Variants in ERCC4 observed in about 807,000 individuals in gnomAD.
The protein encoded by ERCC4 is ERCC excision repair 4, endonuclease catalytic subunit, also known as DNA repair endonuclease XPF.
A neutral mutation model predicts 76.9 loss-of-function variants in ERCC4; 65 were observed. The observed-to-expected ratio is 0.84, with a 90% CI of 0.69 to 1.04. ERCC4 has a LOEUF of 1.04. Among genes scored for constraint, ERCC4 ranks in the 50% least tolerant of loss-of-function variants. The probability of loss-of-function intolerance (pLI) is 0.00; values close to 1 mark genes in which losing one functional copy is unlikely to be tolerated. For synonymous variants in ERCC4, 463 were observed against 410.1 expected (o/e 1.13, Z -1.56); for missense variants, 1,214 against 1,128.2 (o/e 1.08, Z -1.09).
In ERCC4 at chr16:13,951,333, A is replaced by T. The variant is rs558935375; in HGVS notation, c.*2986A>T. 1 of 193,402 alleles carries T rather than the reference A, an allele frequency of 5.2e-6. No individual in the cohort carries two copies. Among genetic ancestry groups the T allele is most frequent in the African/African-American group, 2.3e-5 (1 of 43,262 alleles). 12.0% of individuals were successfully genotyped at this position (193,402 alleles called of 1,614,324 possible). On this transcript the variant is annotated 3_prime_UTR_variant, in exon 11 of 11. Transcript: ENST00000311895. ...TTGGCTCTTTTAAAACCTTTTCTAA[A>T]AGCTAGATCAGCATTTTTCTATTTT...
chr16:13,920,158 G>A lies in ERCC4; in HGVS notation c.-8G>A. 2.5e-6 allele frequency: 4 copies of A among 1,603,824 alleles called. No homozygotes were observed. Among genetic ancestry groups the A allele is most frequent in the Non-Finnish European group, 3.4e-6 (4 of 1,179,728 alleles). On this transcript the variant is annotated 5_prime_UTR_variant, in exon 1 of 11. Transcript: ENST00000311895. Reference sequence around the variant, plus strand: ...GGCTGCGTTCGGCTGCGACCCGGAAGAGCTTCCATGGAGTCAGGGCAGCCG... The same window carrying A: ...GGCTGCGTTCGGCTGCGACCCGGAAAAGCTTCCATGGAGTCAGGGCAGCCG...
At chr16:13,924,311 A>G (rs959028359) in intron 2 of ERCC4, among the ~76,000 whole-genome samples, 20 of 152,150 alleles carry the variant, frequency 1.3e-4, no homozygotes, top group African/African-American at 4.6e-4. Context: ...AGAACTATAT[A>G]AATATCTGGT....
chr16:13,939,609 G>A (rs910626944), intron 9 of ERCC4, among the ~76,000 whole-genome samples: 5 of 152,084 alleles, frequency 3.3e-5, no homozygotes, highest in Non-Finnish European at 7.4e-5. Flanking sequence ...GCCCTGTAAA[G>A]GATTTAGGGC....
At chr16:13,937,887 C>T (rs764381127) in intron 9 of ERCC4, 29 bp downstream of exon 9, 1 of 1,394,588 alleles carries the variant, frequency 7.2e-7, no homozygotes, top group Admixed American at 1.7e-5. Context: ...GTATGAAAGC[C>T]CCAACTACAT....
Position 13,951,430 on chromosome 16 carries a change from T to C in ERCC4, c.*3083T>C, listed in dbSNP as rs1330302894. On this transcript the variant is annotated 3_prime_UTR_variant, in exon 11 of 11. Coordinates refer to ENST00000311895, the MANE Select transcript of ERCC4 (RefSeq NM_005236.3). ...ATCATTTTAAGTTTCATTTAAATCA[T>C]GGTGCCTCTTTTGATACTTTCTTAA... The C allele has an allele frequency of 4.9e-6, 1 of 204,160 alleles. No individual in the cohort carries two copies. The highest frequency in any genetic ancestry group is 2.3e-5 in the African/African-American group (1 of 43,756). 12.6% of individuals were successfully genotyped at this position (204,160 alleles called of 1,614,324 possible).
intron 1 of ERCC4, among the ~76,000 whole-genome samples, chr16:13,921,131 T>C (rs998436165): frequency 1.3e-5 from 2 of 150,728 alleles, no homozygotes; most frequent in African/African-American, 4.9e-5. Flanking sequence ...TCTCTGAGGG[T>C]GATGGGGAGA....
intron 9 of ERCC4, among the ~76,000 whole-genome samples, chr16:13,940,977 C>T (rs940881362): frequency 2.0e-5 from 3 of 152,194 alleles, no homozygotes. Flanking sequence ...CTTCGCCTGT[C>T]TTCATGCAGC....
In ERCC4 at chr16:13,950,749, G is replaced by A. The variant is rs559394290; in HGVS notation, c.*2402G>A. 2.1e-5 allele frequency: 4 copies of A among 192,874 alleles called. No individual in the cohort carries two copies. The highest frequency in any genetic ancestry group is 7.0e-5 in the African/African-American group (3 of 43,054). The allele number at this position is 192,874 out of a possible 1,614,324, so 11.9% of individuals were successfully genotyped here. On this transcript the variant is annotated 3_prime_UTR_variant, in exon 11 of 11. Transcript: ENST00000311895. ...TGTATAATTCCACTTGCTTTTAATT[G>A]TTGTTTCATTATATAAAAGGAACAT...
In ERCC4 at chr16:13,922,024, G is replaced by T; in HGVS notation, c.208-7G>T. On this transcript the variant is annotated splice_region_variant and splice_polypyrimidine_tract_variant and intron_variant, in intron 1 of 10. Transcript: ENST00000311895. ...ATAGCCTACTAATCAAGTTTGATTT[G>T]ATTTAGGAGTATTTTATCAATCAGC... is the stretch of plus-strand genomic sequence containing the variant. 6.2e-7 allele frequency: 1 copy of T among 1,609,260 alleles called. No individual in the cohort carries two copies. The highest frequency in any genetic ancestry group is 1.1e-5 in the South Asian group (1 of 90,872).
At chr16:13,940,842 T>G (rs1839414832) in intron 9 of ERCC4, among the ~76,000 whole-genome samples, 1 of 152,188 alleles carries the variant, frequency 6.6e-6, no homozygotes, top group African/African-American at 2.4e-5. Context: ...GAGAAGCCTT[T>G]CTTGGAAACA....
In ERCC4 at chr16:13,928,161, C is replaced by T. The variant is rs746904084; in HGVS notation, c.718C>T (p.Leu240=). 18 of 1,613,530 alleles carry T rather than the reference C, an allele frequency of 1.1e-5. No homozygotes were observed. The highest frequency in any genetic ancestry group is 1.5e-5 in the Non-Finnish European group (18 of 1,179,682). The change falls in exon 4 of 11, where the codon CTA becomes TTA. Residue 240 remains leucine (L), a synonymous_variant. Transcript: ENST00000311895. ...CATTTTAAATGCATGTCTAAAGGAA[C>T]TAAAATGCCATAACCCATCGCTTGA... The part of the protein sequence containing the change: ...LDILNACLKE[L]KCHNPSLEVE...
chr16:13,940,365 G>A, intron 9 of ERCC4, among the ~76,000 whole-genome samples: 1 of 150,906 alleles, frequency 6.6e-6, no homozygotes, highest in African/African-American at 2.4e-5. Context: ...TCCAGCCTGG[G>A]CAACCGAGTG....
chr16:13,934,720 C>G (rs1309071967), intron 7 of ERCC4: 1 of 234,534 alleles, frequency 4.3e-6, no homozygotes, highest in East Asian at 1.0e-4. Context: ...AGCCTCAACT[C>G]TTCTATTACT....
At chr16:13,941,039 G>T (rs561636864) in intron 9 of ERCC4, among the ~76,000 whole-genome samples, 2 of 152,308 alleles carry the variant, frequency 1.3e-5, no homozygotes, top group South Asian at 2.1e-4. Context: ...AGCACTTTTA[G>T]TAGATAGTAG....
chr16:13,935,111 G>C, intron 7 of ERCC4, 35 bp from the exon 8 acceptor site: 14 of 1,478,220 alleles, frequency 9.5e-6, no homozygotes, highest in Non-Finnish European at 1.1e-5. Flanking sequence ...GGACAAGTGA[G>C]GTAATAGTAA....
chr16:13,926,478 T>C (rs538501867), intron 2 of ERCC4, 83 bp from the exon 3 acceptor site: 1 of 1,191,232 alleles, frequency 8.4e-7, no homozygotes, highest in Admixed American at 1.7e-5. Context: ...ATTCATTCTC[T>C]TGTAAGTACT....
Position 13,930,478 on chromosome 16 carries a change from A to G in ERCC4, c.793-232A>G, listed in dbSNP as rs571090189. Among the ~76,000 whole-genome samples, 3 of 152,314 alleles carry G rather than the reference A, an allele frequency of 2.0e-5. No individual in the cohort carries two copies. In the South Asian group the frequency reaches 6.2e-4, roughly 32 times the overall value. On this transcript the variant is annotated intron_variant, in intron 4 of 10. Transcript: ENST00000311895. ...GATTCTAGCAGTAAGACATTCTTCT[A>G]TATTTGAAAATTTAAACATTATTAT... is the stretch of plus-strand genomic sequence containing the variant.
chr16:13,943,848 A>G (rs1366375845), intron 9 of ERCC4: 1 of 152,130 alleles, frequency 6.6e-6, no homozygotes, highest in Non-Finnish European at 1.5e-5. Context: ...TAATTATAAC[A>G]TACTTTATCA....
In ERCC4 at chr16:13,949,863, G is replaced by T. The variant is rs2032598053; in HGVS notation, c.*1516G>T. On this transcript the variant is annotated 3_prime_UTR_variant, in exon 11 of 11. Transcript: ENST00000311895. ...TGCTAGCCATATCACATATTTTAAT[G>T]TTTCATCAACATCAGCTGTTTTTTT... 8.6e-6 allele frequency: 2 copies of T among 232,412 alleles called. No homozygotes were observed. 14.4% of individuals were successfully genotyped at this position (232,412 alleles called of 1,614,324 possible).
Sources: gnomAD v4.1 joint callset for allele counts (sites outside exome capture counted in the v4.1 genomes callset) on GRCh38, gnomAD v4.1.1 for gene constraint, MANE v1.5 for transcripts, NCBI Gene and HGNC (gene_info 2026-07-23, HGNC 2026-07-21) for gene names.